The following GPT2 variants were observed in gnomAD, a reference collection of about 807,000 sequenced individuals.
GPT2 encodes the protein glutamic--pyruvic transaminase 2, also known as alanine aminotransferase 2.
In GPT2, 30 loss-of-function variants were observed where a neutral mutation model predicts 56.9. The observed-to-expected ratio is 0.53, with a 90% CI of 0.39 to 0.72. GPT2 has a LOEUF of 0.72. GPT2 is among the 30% of genes least tolerant of loss of function. The probability of loss-of-function intolerance (pLI) is 0.00; values close to 1 mark genes in which losing one functional copy is unlikely to be tolerated. For synonymous variants in GPT2, 271 were observed against 283.1 expected (o/e 0.96, Z 0.43); for missense variants, 542 against 703.4 (o/e 0.77, Z 2.60).
At chr16:46,925,939 G>A (rs1961398246) in intron 10 of GPT2, among the ~76,000 whole-genome samples, 1 of 151,742 alleles carries the variant, frequency 6.6e-6, no homozygotes, top group South Asian at 2.1e-4. Flanking sequence ...AGACCAGCTT[G>A]GCCAACACGG....
rs780917222 is a variant in GPT2, at chr16:46,906,862, G to A, written c.463G>A (p.Gly155Ser). Residue 155 changes from glycine to serine, a missense_variant, in exon 5 of 12, where the codon GGT (glycine) becomes AGT (serine). By Grantham distance (56) the Gly-to-Ser change is moderately conservative. Transcript: ENST00000340124. ...NSLGSYSASQGVNCIREDVAA... is the reference protein window; with the variant it reads ...NSLGSYSASQSVNCIREDVAA... ...TACAGGGTCCTACAGTGCTAGCCAG[G>A]GTGTCAACTGCATCCGTGAAGATGT... 1 of 1,614,188 alleles carries A rather than the reference G, an allele frequency of 6.2e-7. No homozygotes were observed. The highest frequency in any genetic ancestry group is 1.1e-5 in the South Asian group (1 of 91,080).
chr16:46,918,963 G>T (rs554552666), intron 8 of GPT2, among the ~76,000 whole-genome samples: 2 of 152,384 alleles, frequency 1.3e-5, no homozygotes, highest in South Asian at 4.1e-4. Flanking sequence ...GCTCAGAGAA[G>T]CCTGACAACG....
intron 9 of GPT2, among the ~76,000 whole-genome samples, chr16:46,922,663 A>G (rs1961315550): frequency 6.6e-6 from 1 of 152,148 alleles, no homozygotes; most frequent in South Asian, 2.1e-4. Context: ...CCTCTTCCTC[A>G]TGGCGAGTGT....
intron 2 of GPT2, chr16:46,885,427 T>A: frequency 2.1e-6 from 2 of 966,758 alleles, no homozygotes; most frequent in Non-Finnish European, 2.5e-6. Context: ...GAAAGTTGGT[T>A]CTGTTCCCCA....
chr16:46,896,366 T>C (rs1031263536), intron 2 of GPT2, among the ~76,000 whole-genome samples: 8 of 152,170 alleles, frequency 5.3e-5, no homozygotes, highest in Non-Finnish European at 1.2e-4. Context: ...CTTGGACTTC[T>C]CTCTGTGATC....
chr16:46,923,942 G>A (rs1961346973), intron 9 of GPT2: 2 of 282,766 alleles, frequency 7.1e-6, no homozygotes, highest in African/African-American at 4.4e-5. Flanking sequence ...AAGACATCCT[G>A]GTACGAGAAT....
In GPT2 at chr16:46,884,880, G is replaced by T; in HGVS notation, c.165G>T (p.Pro55=). The change falls in exon 2 of 12, where the codon CCG becomes CCT. Residue 55 remains proline (P), a synonymous_variant. Coordinates refer to ENST00000340124, the MANE Select transcript of GPT2 (RefSeq NM_133443.4). ...TCCTCACGCTGGAGTCCATGAACCC[G>T]CAGGTGAAGGCGGTGGAGTACGCCG... ...ERILTLESMN[P]QVKAVEYAVR... 6.5e-7 allele frequency: 1 copy of T among 1,543,816 alleles called. No homozygotes were observed.
intron 8 of GPT2, 35 bp from the exon 9 acceptor site, chr16:46,922,207 A>G (rs1193769930): frequency 1.2e-6 from 2 of 1,605,676 alleles, no homozygotes; most frequent in South Asian, 2.2e-5. Flanking sequence ...GTCTTTCTAT[A>G]ACTGGTGGTC....
chr16:46,922,415 G>A lies in GPT2; in HGVS notation c.1211G>A (p.Arg404Gln), dbSNP rs774725470. The change falls in exon 9 of 12, where the codon CGA becomes CAA. Residue 404 changes from arginine (R) to glutamine (Q), a missense_variant and splice_region_variant. By Grantham distance (43) the Arg-to-Gln change is conservative. Transcript: ENST00000340124. ...GAGGAGTCCTTTGAGCAATTCAGCCGAGTGAGTCCACTGTGATGCGTCTGC... is the reference window on the plus strand; with the variant it reads ...GAGGAGTCCTTTGAGCAATTCAGCCAAGTGAGTCCACTGTGATGCGTCTGC... ...AGEESFEQFS[R>Q]EKESVLGNLA... 3.1e-6 allele frequency: 5 copies of A among 1,607,930 alleles called. No individual in the cohort carries two copies. Among genetic ancestry groups the A allele is most frequent in the African/African-American group, 2.7e-5 (2 of 74,884 alleles).
chr16:46,901,935 G>A (rs59542300), intron 4 of GPT2, among the ~76,000 whole-genome samples: 39,623 of 152,136 alleles, frequency 0.26, 6,582 homozygotes, highest in Non-Finnish European at 0.37. Flanking sequence ...CCAGAGGCCC[G>A]GCTTCCGGGC....
At chr16:46,916,363 AAAAAT>A (rs1036080998) in intron 6 of GPT2, 4 of 300,712 alleles carry the variant, frequency 1.3e-5, no homozygotes, top group African/African-American at 8.5e-5. Context: ...TTAAAAAAAA[AAAAAT>A]AAGAGAGCCA....
At chr16:46,919,482 G>T (rs1961239529) in intron 8 of GPT2, among the ~76,000 whole-genome samples, 1 of 152,226 alleles carries the variant, frequency 6.6e-6, no homozygotes, top group South Asian at 2.1e-4. Flanking sequence ...GAAGAGCATT[G>T]CAGGCAGCGG....
At chr16:46,900,271 G>A (rs372709805) in intron 3 of GPT2, among the ~76,000 whole-genome samples, 70 of 152,208 alleles carry the variant, frequency 4.6e-4, no homozygotes, top group South Asian at 2.7e-3. Flanking sequence ...GGCCTAGGGC[G>A]TTGAGGGAGC....
intron 3 of GPT2, among the ~76,000 whole-genome samples, chr16:46,899,768 T>G (rs1960780465): frequency 6.6e-6 from 1 of 152,246 alleles, no homozygotes; most frequent in Admixed American, 6.5e-5. Flanking sequence ...GGTCCCCTCA[T>G]GGGCCTGGGT....
At chr16:46,922,031 C>T (rs1961296766) in intron 8 of GPT2, among the ~76,000 whole-genome samples, 1 of 152,140 alleles carries the variant, frequency 6.6e-6, no homozygotes, top group South Asian at 2.1e-4. Flanking sequence ...TGCACTCCAG[C>T]CTGGGTGACA....
chr16:46,922,592 C>G (rs941683836), intron 9 of GPT2, among the ~76,000 whole-genome samples, 176 bp downstream of exon 9: 6 of 152,170 alleles, frequency 3.9e-5, no homozygotes, highest in African/African-American at 1.4e-4. Flanking sequence ...AGTCTGGAAG[C>G]GCAGCTGGGC....
chr16:46,890,159 G>C (rs1960559289), intron 2 of GPT2, among the ~76,000 whole-genome samples: 3 of 152,188 alleles, frequency 2.0e-5, no homozygotes, highest in Admixed American at 2.0e-4. Flanking sequence ...GGTTTCTTCT[G>C]GTTTCACTTG....
At chr16:46,895,236 A>G (rs1242519698) in intron 2 of GPT2, among the ~76,000 whole-genome samples, 2 of 151,968 alleles carry the variant, frequency 1.3e-5, no homozygotes, top group Non-Finnish European at 2.9e-5. Flanking sequence ...TTTAGGAGAC[A>G]GGGTCAGGCC....
intron 2 of GPT2, among the ~76,000 whole-genome samples, chr16:46,897,148 T>C (rs1255674288): frequency 6.6e-6 from 1 of 152,176 alleles, no homozygotes; most frequent in African/African-American, 2.4e-5. Context: ...TTTGGGAGGC[T>C]GCGGTGGGTG....
Sources: gnomAD v4.1 joint callset for allele counts (sites outside exome capture counted in the v4.1 genomes callset) on GRCh38, gnomAD v4.1.1 for gene constraint, MANE v1.5 for transcripts, NCBI Gene and HGNC (gene_info 2026-07-23, HGNC 2026-07-21) for gene names.